The following PGAP4 variants were observed in gnomAD, a reference collection of about 807,000 sequenced individuals.
PGAP4 encodes the protein GPI-N-acetylgalactosamine transferase PGAP4.
A neutral mutation model predicts 28.2 loss-of-function variants in PGAP4; 12 were observed. The observed-to-expected ratio is 0.42, with a 90% confidence interval of 0.27 to 0.69. The LOEUF (loss-of-function observed/expected upper bound fraction) is 0.69. Ranked by LOEUF, PGAP4 falls within the 30% of genes least tolerant of loss-of-function variation. The pLI is 0.22. For missense variants in PGAP4, 425 were observed against 513.5 expected (o/e 0.83, Z 1.67); for synonymous variants, 205 against 211.8 (o/e 0.97, Z 0.28).
chr9:101,528,558 C>T (rs1472736580), intron 2 of PGAP4, among the ~76,000 whole-genome samples: 2 of 152,142 alleles, frequency 1.3e-5, no homozygotes, highest in East Asian at 1.9e-4. Flanking sequence ...TTCAGTGATG[C>T]TGTTCTTTCT....
chr9:101,495,090 A>G (rs1826727468), intron 2 of PGAP4, among the ~76,000 whole-genome samples: 1 of 135,646 alleles, frequency 7.4e-6, no homozygotes, highest in Admixed American at 8.6e-5. Context: ...TTATTTGACA[A>G]TGTCTTTTCT....
In PGAP4 at chr9:101,476,343, C is replaced by A; in HGVS notation, c.750G>T (p.Arg250Ser). Residue 250 changes from arginine (R) to serine (S), a missense_variant, in exon 2 of 2, where the codon AGG becomes AGT. Physicochemically the swap from Arg to Ser is moderately radical, Grantham distance 110 (BLOSUM62 -1). Coordinates refer to ENST00000374848, the MANE Select transcript of PGAP4 (RefSeq NM_032342.3). This position sits in a 1 kb window ranked among gnomAD's most constrained non-coding sequence, Gnocchi z 7.0. The stretch of plus-strand genomic sequence containing the variant: ...GCTCTGGATTGATGTAGTGCTGGAG[C>A]CTCTCGGGGTGATACAGCTTGAGAT... Reference protein sequence around the residue: ...ALYLKLYHPERLQHYINPEPM... With the variant: ...ALYLKLYHPESLQHYINPEPM... 6.2e-7 allele frequency: 1 copy of A among 1,614,060 alleles called. No homozygotes were observed. Among genetic ancestry groups the A allele is most frequent in the Non-Finnish European group, 8.5e-7 (1 of 1,180,028 alleles).
chr9:101,527,386 G>A (rs1305015954), intron 2 of PGAP4, among the ~76,000 whole-genome samples: 1 of 152,082 alleles, frequency 6.6e-6, no homozygotes, highest in African/African-American at 2.4e-5. Flanking sequence ...ATGCCTTTGG[G>A]CACCAGAAAT....
At chr9:101,498,444 T>C (rs941007900) in intron 2 of PGAP4, among the ~76,000 whole-genome samples, 1 of 151,856 alleles carries the variant, frequency 6.6e-6, no homozygotes, top group South Asian at 2.1e-4. Context: ...TGTTGTTAGT[T>C]ACTGTGGAGC....
rs1229059888 is a variant in PGAP4 at position 101,473,495 on chromosome 9, C to T, written c.*2386G>A. 6.6e-6 allele frequency: 1 copy of T among 152,202 alleles called. No individual in the cohort carries two copies. The highest frequency in any genetic ancestry group is 2.4e-5 in the African/African-American group (1 of 41,444). 9.4% of individuals were successfully genotyped at this position (152,202 alleles called of 1,614,324 possible). A position where few individuals can be genotyped will look rare whatever the true frequency, so the allele number is the denominator to read the frequency against. ...AGGAAGATCTAGAAGTGGGTGGGAACAAAAGAGCAGAACTGAGCCTGCATC... is the reference window on the plus strand; with the variant it reads ...AGGAAGATCTAGAAGTGGGTGGGAATAAAAGAGCAGAACTGAGCCTGCATC... On this transcript the variant is annotated 3_prime_UTR_variant, in exon 2 of 2. Coordinates refer to ENST00000374848, the MANE Select transcript of PGAP4 (RefSeq NM_032342.3).
intron 2 of PGAP4, among the ~76,000 whole-genome samples, chr9:101,499,409 GA>G (rs780619961): frequency 2.9e-4 from 43 of 146,880 alleles, no homozygotes; most frequent in South Asian, 1.5e-3. Context: ...CTCTCAAAAA[GA>G]AAAAAAAATG....
intron 2 of PGAP4, among the ~76,000 whole-genome samples, chr9:101,518,013 T>A (rs1588209760): frequency 6.6e-6 from 1 of 152,044 alleles, no homozygotes; most frequent in Non-Finnish European, 1.5e-5. Flanking sequence ...ACCCAATAGG[T>A]CACCCCTCAG....
chr9:101,501,182 C>T lies in PGAP4; in HGVS notation c.-164-11982G>A, dbSNP rs572291153. On this transcript the variant is annotated intron_variant, in intron 2 of 3. Transcript: ENST00000374851. Reference sequence around the variant, plus strand: ...GCCACATTACCATTCCTCCCTTTTGCACATACACATCTGACTTCTCCTGGG... The same window carrying T: ...GCCACATTACCATTCCTCCCTTTTGTACATACACATCTGACTTCTCCTGGG... Among the ~76,000 whole-genome samples the T allele has an allele frequency of 2.6e-5, 4 of 152,218 alleles. No individual in the cohort carries two copies. The East Asian group carries it at 7.7e-4, about 29-fold the overall frequency.
chr9:101,507,862 G>A (rs1028665598), intron 2 of PGAP4, among the ~76,000 whole-genome samples: 2 of 152,106 alleles, frequency 1.3e-5, no homozygotes, highest in East Asian at 1.9e-4. Flanking sequence ...AGGTAATGCT[G>A]TGTATCCCCA....
intron 2 of PGAP4, among the ~76,000 whole-genome samples, chr9:101,513,849 T>C (rs1298146737): frequency 6.6e-6 from 1 of 151,990 alleles, no homozygotes; most frequent in African/African-American, 2.4e-5. Context: ...GGAAAACCCA[T>C]AGAGTAATTC....
At chr9:101,482,554 A>G (rs1826518375) in intron 1 of PGAP4, among the ~76,000 whole-genome samples, 1 of 152,242 alleles carries the variant, frequency 6.6e-6, no homozygotes, top group African/African-American at 2.4e-5. Flanking sequence ...ATAAGTCAGA[A>G]CATGGCACTC....
intron 2 of PGAP4, among the ~76,000 whole-genome samples, chr9:101,502,752 C>T (rs1402023423): frequency 2.0e-5 from 3 of 152,062 alleles, no homozygotes; most frequent in Non-Finnish European, 4.4e-5. Flanking sequence ...CAGCATTTTG[C>T]AGGTCAGAGG....
rs1826617196 is a variant in PGAP4 at position 101,486,484 on chromosome 9, C to T, written c.-78+465G>A. On this transcript the variant is annotated intron_variant, in intron 1 of 1. Transcript: ENST00000374848. This position sits in a 1 kb window ranked among gnomAD's most constrained non-coding sequence, Gnocchi z 4.7. ...CGGCGAACCTAAGGTGTGGACGCGC[C>T]GCGAGGGTCCCCTGCTTGCGGGCGG... is the stretch of plus-strand genomic sequence containing the variant. 6.6e-6 allele frequency among the ~76,000 whole-genome samples: 1 copy of T among 152,222 alleles called. No homozygotes were observed. Among genetic ancestry groups the T allele is most frequent in the Admixed American group, 6.5e-5 (1 of 15,290 alleles).
intron 2 of PGAP4, among the ~76,000 whole-genome samples, chr9:101,516,649 T>G (rs1375358304): frequency 6.6e-6 from 1 of 152,224 alleles, no homozygotes; most frequent in Non-Finnish European, 1.5e-5. Flanking sequence ...ATTTTCAACA[T>G]GGTTCATACT....
Position 101,477,066 on chromosome 9 carries a change from G to C in PGAP4, c.27C>G (p.Ala9=), listed in dbSNP as rs377175324. 1 of 1,598,446 alleles carries C rather than the reference G, an allele frequency of 6.3e-7. No homozygotes were observed. The highest frequency in any genetic ancestry group is 1.7e-5 in the Admixed American group (1 of 58,104). The part of the protein sequence containing the change: MSTSTSPA[A]MLLRRLRRLS... ...GTCGCCGCAGCCTCCGGAGGAGCATGGCAGCTGGAGAGGTTGAAGTGCTCA... is the reference window on the plus strand; with the variant it reads ...GTCGCCGCAGCCTCCGGAGGAGCATCGCAGCTGGAGAGGTTGAAGTGCTCA... The change falls in exon 2 of 2, where the codon GCC becomes GCG. Residue 9 remains alanine (A), a synonymous_variant. Transcript: ENST00000374848.
At chr9:101,489,682 C>T (rs1183653888), upstream of PGAP4, among the ~76,000 whole-genome samples, 1 of 152,108 alleles carries the variant, frequency 6.6e-6, no homozygotes, top group Non-Finnish European at 1.5e-5. Context: ...ATTGGCTGAA[C>T]CCAACCAGAA....
At chr9:101,500,229 G>A (rs1443676488) in intron 2 of PGAP4, among the ~76,000 whole-genome samples, 3 of 152,038 alleles carry the variant, frequency 2.0e-5, no homozygotes, top group Non-Finnish European at 4.4e-5. Flanking sequence ...GAAGTCTGAA[G>A]TCAGTCCTGG....
chr9:101,512,476 G>A (rs908895680), intron 2 of PGAP4, among the ~76,000 whole-genome samples: 8 of 152,150 alleles, frequency 5.3e-5, no homozygotes, highest in South Asian at 2.1e-4. Context: ...AAAACTGACT[G>A]TTCTGCCATG....
intron 1 of PGAP4, among the ~76,000 whole-genome samples, chr9:101,484,176 A>T (rs1224454958): frequency 1.3e-5 from 2 of 152,026 alleles, no homozygotes; most frequent in Admixed American, 6.6e-5. Context: ...TTTTGTATGC[A>T]GTAGGAAGAA....
Sources: gnomAD v4.1 joint callset for allele counts (sites outside exome capture counted in the v4.1 genomes callset) on GRCh38, gnomAD v4.1.1 for gene constraint, Gnocchi (gnomAD v3.1) non-coding constraint, MANE v1.5 for transcripts, NCBI Gene and HGNC (gene_info 2026-07-23, HGNC 2026-07-21) for gene names.